NCAM1: variants seen among roughly 807,000 people sequenced by gnomAD.
NCAM1 encodes antigen recognized by monoclonal antibody 5.1H11.
Under a neutral mutation model 109.8 loss-of-function variants are expected in NCAM1, and 14 were observed. That is an observed-to-expected ratio of 0.13 (90% CI 0.08 to 0.20). NCAM1 has a LOEUF of 0.20. NCAM1 is among the 10% of genes least tolerant of loss of function. The probability of loss-of-function intolerance (pLI) is 1.00; values close to 1 mark genes in which losing one functional copy is unlikely to be tolerated. For missense variants in NCAM1, 774 were observed against 1,109.9 expected, an observed-to-expected ratio of 0.70 and a Z score of 4.30; for synonymous variants, 418 against 442.9, an observed-to-expected ratio of 0.94 and a Z score of 0.70.
At chr11:113,092,744 A>C (rs553143176) in intron 1 of NCAM1, among the ~76,000 whole-genome samples, 2 of 152,096 alleles carry the variant, frequency 1.3e-5, no homozygotes, top group South Asian at 4.2e-4. Flanking sequence ...CTGCTTTTTT[A>C]TCTCAGGCAA....
At chr11:113,177,049 C>T (rs1439726858) in intron 1 of NCAM1, among the ~76,000 whole-genome samples, 2 of 152,248 alleles carry the variant, frequency 1.3e-5, no homozygotes, top group African/African-American at 2.4e-5. Flanking sequence ...CCTCCATAGA[C>T]TTTCTTGCCT....
chr11:113,133,387 G>A (rs1941481652), intron 1 of NCAM1: 1 of 152,190 alleles, frequency 6.6e-6, no homozygotes, highest in Admixed American at 6.5e-5. Context: ...CCAACCTGAT[G>A]ATGTGCTGCT....
chr11:112,969,208 A>C (rs1333654373), intron 1 of NCAM1, among the ~76,000 whole-genome samples: 1 of 152,092 alleles, frequency 6.6e-6, no homozygotes, highest in Non-Finnish European at 1.5e-5. Flanking sequence ...CTGGTTGTAC[A>C]TGGGGAACAG....
chr11:113,219,973 T>C (rs1341912849), intron 8 of NCAM1, among the ~76,000 whole-genome samples: 1 of 152,250 alleles, frequency 6.6e-6, no homozygotes, highest in Non-Finnish European at 1.5e-5. Flanking sequence ...GTTCCTTGCA[T>C]TTAGTGGACT....
intron 1 of NCAM1, among the ~76,000 whole-genome samples, chr11:113,077,450 T>A (rs1938578822): frequency 6.6e-6 from 1 of 152,218 alleles, no homozygotes; most frequent in Non-Finnish European, 1.5e-5. Context: ...TCTCTGAATG[T>A]GATATGCCTG....
intron 1 of NCAM1, among the ~76,000 whole-genome samples, chr11:113,145,618 C>A (rs973564597): frequency 6.6e-6 from 1 of 152,176 alleles, no homozygotes; most frequent in South Asian, 2.1e-4. Flanking sequence ...TTCTTCATTG[C>A]TATACAATTA....
intron 1 of NCAM1, among the ~76,000 whole-genome samples, chr11:113,123,292 GT>G (rs1941043493): frequency 1.3e-5 from 2 of 152,132 alleles, no homozygotes; most frequent in African/African-American, 4.8e-5. Flanking sequence ...ATTACATATT[GT>G]ATGTATGCAT....
intron 1 of NCAM1, among the ~76,000 whole-genome samples, chr11:113,169,738 C>T (rs1414816839): frequency 6.6e-6 from 1 of 151,300 alleles, no homozygotes; most frequent in African/African-American, 2.4e-5. Context: ...AGCGATTCTC[C>T]TGCCTCAGCC....
intron 1 of NCAM1, among the ~76,000 whole-genome samples, chr11:113,027,293 G>A (rs973667846): frequency 1.3e-5 from 2 of 152,188 alleles, no homozygotes; most frequent in Non-Finnish European, 2.9e-5. Context: ...TGTTGATGTA[G>A]CATGTAAGTG....
intron 1 of NCAM1, among the ~76,000 whole-genome samples, chr11:113,030,258 A>G (rs929889282): frequency 3.9e-5 from 6 of 152,162 alleles, no homozygotes; most frequent in East Asian, 1.9e-4. Context: ...TATTGTTACT[A>G]AAGTGTATGG....
In NCAM1 at chr11:113,065,262, A is replaced by G. The variant is rs953843077; in HGVS notation, c.52+103598A>G. ...CATGAATCCATACCAATACAAATAA[A>G]TGACTGAATAAATTAATTTATTCAG... On this transcript the variant is annotated intron_variant, in intron 1 of 19. Coordinates refer to ENST00000316851, the MANE Select transcript of NCAM1 (RefSeq NM_181351.5). Among the ~76,000 whole-genome samples the G allele has an allele frequency of 1.7e-4, 26 of 152,336 alleles. No individual in the cohort carries two copies. The South Asian group carries it at 2.9e-3, about 17-fold the overall frequency.
intron 1 of NCAM1, among the ~76,000 whole-genome samples, chr11:113,193,290 G>A (rs1555110194): frequency 6.6e-6 from 1 of 152,188 alleles, no homozygotes; most frequent in Non-Finnish European, 1.5e-5. Flanking sequence ...GGACATGTCT[G>A]TCTCCTGCTC....
intron 1 of NCAM1, among the ~76,000 whole-genome samples, chr11:113,190,011 A>C (rs1467696987): frequency 6.6e-6 from 1 of 152,038 alleles, no homozygotes; most frequent in Non-Finnish European, 1.5e-5. Context: ...CACATGGGGG[A>C]GGTCCCAGTG....
At chr11:113,085,371 G>A (rs1260785326) in intron 1 of NCAM1, among the ~76,000 whole-genome samples, 2 of 152,194 alleles carry the variant, frequency 1.3e-5, no homozygotes, top group Admixed American at 6.5e-5. Context: ...TGGCCACTGT[G>A]CCTTCCTTTA....
intron 1 of NCAM1, among the ~76,000 whole-genome samples, chr11:113,154,188 T>C (rs1942332950): frequency 6.6e-6 from 1 of 152,224 alleles, no homozygotes; most frequent in Non-Finnish European, 1.5e-5. Context: ...ATGATGCAGA[T>C]AGACTCCGGT....
intron 1 of NCAM1, among the ~76,000 whole-genome samples, chr11:113,102,662 TGATTAAAAA>T (rs1364559964): frequency 2.0e-5 from 3 of 152,212 alleles, no homozygotes; most frequent in Non-Finnish European, 4.4e-5. Flanking sequence ...TTTCTTTGAA[TGATTAAAAA>T]GATTAAAAAG....
At position 113,084,849 on chromosome 11, in the gene NCAM1, T is replaced by G. The variant is rs1939006500; in HGVS notation, c.53-117530T>G. ...GGTGGCAAAAGTGTTAACTACCCAGTAGTGTCCTTGTGAGAATGAAATGAA... is the reference window on the plus strand; with the variant it reads ...GGTGGCAAAAGTGTTAACTACCCAGGAGTGTCCTTGTGAGAATGAAATGAA... On this transcript the variant is annotated intron_variant, in intron 1 of 19. Transcript: ENST00000316851. Among the ~76,000 whole-genome samples, 4 of 152,208 alleles carry G rather than the reference T, an allele frequency of 2.6e-5. No individual in the cohort carries two copies. In the South Asian group the frequency reaches 8.3e-4, roughly 32 times the overall value.
chr11:113,199,829 TAAAA>T lies in NCAM1; in HGVS notation c.53-2533_53-2530del, dbSNP rs1555111558. Among the ~76,000 whole-genome samples, 20 of 115,782 alleles carry T rather than the reference TAAAA, an allele frequency of 1.7e-4. 1 individual carries two copies. The highest frequency in any genetic ancestry group is 6.1e-4 in the African/African-American group (18 of 29,356). 76.0% of individuals were successfully genotyped at this position (115,782 alleles called of 152,430 possible). A position where few individuals can be genotyped will look rare whatever the true frequency, so the allele number is the denominator to read the frequency against. On this transcript the variant is annotated intron_variant, in intron 1 of 19. Transcript: ENST00000316851. ...GCAAATAAAGTAAAAGAAACACCCT[TAAAA>T]AAAAAAAAAAAAAAAACTTCTGTGA... is the stretch of plus-strand genomic sequence containing the variant.
intron 1 of NCAM1, among the ~76,000 whole-genome samples, chr11:112,987,404 G>A (rs1210116954): frequency 6.6e-6 from 1 of 152,084 alleles, no homozygotes; most frequent in African/African-American, 2.4e-5. Context: ...ATGTGTGTGA[G>A]TTGGTCTCAT....
Sources: allele counts gnomAD v4.1 joint callset (sites outside exome capture counted in the v4.1 genomes callset), GRCh38; gene constraint gnomAD v4.1.1; transcripts MANE v1.5; gene names NCBI Gene and HGNC (gene_info 2026-07-23, HGNC 2026-07-21).